TIFAB: variants seen among roughly 807,000 people sequenced by gnomAD.
The protein encoded by TIFAB is TRAF-interacting protein with FHA domain-containing protein B.
For synonymous variants in TIFAB, 116 were observed against 95.2 expected (o/e 1.22, Z -1.27); for missense variants, 222 against 203.6 (o/e 1.09, Z -0.55).
rs1362263270 is a variant in TIFAB, at chr5:135,447,810, T to A, written c.*1644A>T. ...ATCATAGTAGTGATCAAATAAGTAA[T>A]GCACTCCTGAATGCTTGACTTTCCT... On this transcript the variant is annotated 3_prime_UTR_variant, in exon 2 of 2. Transcript: ENST00000537858. 1 of 152,370 alleles carries A rather than the reference T, an allele frequency of 6.6e-6. No homozygotes were observed. The highest frequency in any genetic ancestry group is 2.4e-5 in the African/African-American group (1 of 41,454). The allele number at this position is 152,370 out of a possible 1,614,324, so 9.4% of individuals were successfully genotyped here. A position where few individuals can be genotyped will look rare whatever the true frequency, so the allele number is the denominator to read the frequency against.
intron 1 of TIFAB, among the ~76,000 whole-genome samples, chr5:135,451,395 G>T (rs1478757545): frequency 3.3e-5 from 5 of 152,050 alleles, no homozygotes; most frequent in Non-Finnish European, 7.4e-5. Context: ...GAGGCCTGAG[G>T]GCACCCCCTT....
Position 135,449,867 on chromosome 5 carries a change from C to A in TIFAB, c.73G>T (p.Val25Phe). The change falls in exon 2 of 2, where the codon GTC becomes TTC. Residue 25 changes from valine (V) to phenylalanine (F), a missense_variant. Coordinates refer to ENST00000537858, the MANE Select transcript of TIFAB (RefSeq NM_001099221.2). Reference sequence around the variant, plus strand: ...GTATCATGCTGCAGCCGTGGTGGGACATTGGCAAAGGCAGATGGGCCCAGC... The same window carrying A: ...GTATCATGCTGCAGCCGTGGTGGGAAATTGGCAAAGGCAGATGGGCCCAGC... The part of the protein sequence containing the change: ...PTLGPSAFAN[V>F]PPRLQHDTSP... The A allele has an allele frequency of 6.3e-7, 1 of 1,583,250 alleles. No homozygotes were observed.
rs908043029 is a variant in TIFAB, at chr5:135,448,094, A to G, written c.*1360T>C. 6.6e-6 allele frequency: 1 copy of G among 152,192 alleles called. No individual in the cohort carries two copies. Among genetic ancestry groups the G allele is most frequent in the Non-Finnish European group, 1.5e-5 (1 of 68,040 alleles). The allele number at this position is 152,192 out of a possible 1,614,324, so 9.4% of individuals were successfully genotyped here. On this transcript the variant is annotated 3_prime_UTR_variant, in exon 2 of 2. Transcript: ENST00000537858. ...AGAGGAAGCTTCCCACACCAGGGCA[A>G]GCCTGGGTCTTGCCCACCTCTGTTT...
Position 135,446,307 on chromosome 5 carries a change from T to C in TIFAB, c.*3147A>G, listed in dbSNP as rs769835476. 1.0e-4 allele frequency: 157 copies of C among 1,523,578 alleles called. No homozygotes were observed. The highest frequency in any genetic ancestry group is 7.9e-4 in the South Asian group (60 of 75,790). 94.4% of individuals were successfully genotyped at this position (1,523,578 alleles called of 1,614,324 possible). A position where few individuals can be genotyped will look rare whatever the true frequency, so the allele number is the denominator to read the frequency against. On this transcript the variant is annotated 3_prime_UTR_variant, in exon 2 of 2. Coordinates refer to ENST00000537858, the MANE Select transcript of TIFAB (RefSeq NM_001099221.2). ...GGGCCCTAGCTGGGAGCAGCGTTCA[T>C]GTGCACTGTATGTTCGTGTTTAGTG...
At chr5:135,451,819 A>C (rs1276649151) in intron 1 of TIFAB, among the ~76,000 whole-genome samples, 2 of 152,204 alleles carry the variant, frequency 1.3e-5, no homozygotes, top group Non-Finnish European at 2.9e-5. Context: ...TTACAGGCTG[A>C]GCCCAGGACA....
In TIFAB at chr5:135,444,262, C is replaced by T. The variant is rs1769213359; in HGVS notation, c.*5192G>A. The stretch of plus-strand genomic sequence containing the variant: ...TCACTTTAATCCGCCTGTGAGTTCA[C>T]GTTAAAGGTAAGAGGAATCACAGCC... On this transcript the variant is annotated 3_prime_UTR_variant, in exon 2 of 2. Transcript: ENST00000537858. 1 of 152,164 alleles carries T rather than the reference C, an allele frequency of 6.6e-6. No individual in the cohort carries two copies. The allele number at this position is 152,164 out of a possible 1,614,324, so 9.4% of individuals were successfully genotyped here.
In TIFAB at chr5:135,446,395, C is replaced by T. The variant is rs756086139; in HGVS notation, c.*3059G>A. 4 of 1,606,426 alleles carry T rather than the reference C, an allele frequency of 2.5e-6. No homozygotes were observed. Among genetic ancestry groups the T allele is most frequent in the Non-Finnish European group, 3.4e-6 (4 of 1,174,272 alleles). ...ATGTTCACTCAGGCACGTGGGCTGC[C>T]CTGCGGTGGGAGCTGAGAGAATGCA... On this transcript the variant is annotated 3_prime_UTR_variant, in exon 2 of 2. Transcript: ENST00000537858.
rs12520809 is a variant in TIFAB, at chr5:135,446,820, T to C, written c.*2634A>G. 0.49 allele frequency: 794,113 copies of C among 1,613,660 alleles called. 202,826 individuals are homozygous for C. The highest frequency in any genetic ancestry group is 0.88 in the African/African-American group (65,677 of 74,990). Reference sequence around the variant, plus strand: ...CTCGCAGATGCTTCACTCGAAAGATTGGAGTTGCAGAGTCCCCTGTGGAGG... The same window carrying C: ...CTCGCAGATGCTTCACTCGAAAGATCGGAGTTGCAGAGTCCCCTGTGGAGG... On this transcript the variant is annotated 3_prime_UTR_variant, in exon 2 of 2. Transcript: ENST00000537858.
Position 135,446,636 on chromosome 5 carries a change from A to T in TIFAB, c.*2818T>A. On this transcript the variant is annotated 3_prime_UTR_variant, in exon 2 of 2. Transcript: ENST00000537858. Reference sequence around the variant, plus strand: ...TGGGCAGAGCTTAACTGCCTTAAAAACTTGGTACAGGGCAAGGTGTGAGTT... The same window carrying T: ...TGGGCAGAGCTTAACTGCCTTAAAATCTTGGTACAGGGCAAGGTGTGAGTT... 1 of 1,614,004 alleles carries T rather than the reference A, an allele frequency of 6.2e-7. No individual in the cohort carries two copies. Among genetic ancestry groups the T allele is most frequent in the South Asian group, 1.1e-5 (1 of 91,080 alleles).
At chr5:135,450,674 C>CA (rs145536199) in intron 1 of TIFAB, 1 of 152,378 alleles carries the variant, frequency 6.6e-6, no homozygotes, top group Non-Finnish European at 1.5e-5. Context: ...CTATGTCCAC[C>CA]AGCACCCTGT....
In TIFAB at chr5:135,446,682, C is replaced by T; in HGVS notation, c.*2772G>A. On this transcript the variant is annotated 3_prime_UTR_variant, in exon 2 of 2. Transcript: ENST00000537858. ...GAGTTTCCCGGTGAGACTGTGTGAA[C>T]TGTGAACGGGTAGAGTCTGAAACTA... The T allele has an allele frequency of 1.2e-6, 2 of 1,613,912 alleles. No homozygotes were observed. Among genetic ancestry groups the T allele is most frequent in the African/African-American group, 1.3e-5 (1 of 75,044 alleles).
At position 135,445,019 on chromosome 5, in the gene TIFAB, G is replaced by C. The variant is rs563179447; in HGVS notation, c.*4435C>G. On this transcript the variant is annotated 3_prime_UTR_variant, in exon 2 of 2. Transcript: ENST00000537858. The stretch of plus-strand genomic sequence containing the variant: ...GGCCTGCATAGCCCAGGGGTGGAGA[G>C]AGGGGTCAGACTAGAACCTATGGAG... 1 of 152,420 alleles carries C rather than the reference G, an allele frequency of 6.6e-6. No individual in the cohort carries two copies. The highest frequency in any genetic ancestry group is 2.4e-5 in the African/African-American group (1 of 41,556). The allele number at this position is 152,420 out of a possible 1,614,324, so 9.4% of individuals were successfully genotyped here.
chr5:135,446,695 G>T lies in TIFAB; in HGVS notation c.*2759C>A. 1 of 1,613,884 alleles carries T rather than the reference G, an allele frequency of 6.2e-7. No homozygotes were observed. Among genetic ancestry groups the T allele is most frequent in the Non-Finnish European group, 8.5e-7 (1 of 1,179,758 alleles). On this transcript the variant is annotated 3_prime_UTR_variant, in exon 2 of 2. Coordinates refer to ENST00000537858, the MANE Select transcript of TIFAB (RefSeq NM_001099221.2). ...AGACTGTGTGAACTGTGAACGGGTAGAGTCTGAAACTACAAACCAGATGTT... is the reference window on the plus strand; with the variant it reads ...AGACTGTGTGAACTGTGAACGGGTATAGTCTGAAACTACAAACCAGATGTT...
rs1769215159 is a variant in TIFAB at position 135,444,336 on chromosome 5, GC to G, written c.*5117del. On this transcript the variant is annotated 3_prime_UTR_variant, in exon 2 of 2. Coordinates refer to ENST00000537858, the MANE Select transcript of TIFAB (RefSeq NM_001099221.2). The stretch of plus-strand genomic sequence containing the variant: ...AAATTCGGCATCTCCTCTTAACTGG[GC>G]TGGGTTGTTTACTCCTCCCACAGTC... The G allele has an allele frequency of 6.6e-6, 1 of 152,226 alleles. No individual in the cohort carries two copies. Among genetic ancestry groups the G allele is most frequent in the South Asian group, 2.1e-4 (1 of 4,832 alleles). 9.4% of individuals were successfully genotyped at this position (152,226 alleles called of 1,614,324 possible).
At position 135,449,915 on chromosome 5, in the gene TIFAB, G is replaced by A. The variant is rs200405958; in HGVS notation, c.25C>T (p.Arg9Ter). MEKPLTVL[R>*]VSLYHPTLGP... ...AGCGTGGGATGGTACAGGCTCACTC[G>A]CAGGACGGTGAGGGGCTTCTCCATG... Residue 9 changes from arginine to a stop codon, truncating the protein, a stop_gained, in exon 2 of 2, where the codon CGA (arginine) becomes TGA (stop). Transcript: ENST00000537858. LOFTEE classifies it low-confidence loss of function (END_TRUNC). 6 of 1,526,552 alleles carry A rather than the reference G, an allele frequency of 3.9e-6. No homozygotes were observed. Among genetic ancestry groups the A allele is most frequent in the Non-Finnish European group, 4.4e-6 (5 of 1,136,446 alleles). The allele number at this position is 1,526,552 out of a possible 1,614,324, so 94.6% of individuals were successfully genotyped here. A position where few individuals can be genotyped will look rare whatever the true frequency, so the allele number is the denominator to read the frequency against.
Position 135,447,060 on chromosome 5 carries a change from G to C in TIFAB, c.*2394C>G, listed in dbSNP as rs1171461339. ...CTTTGGTGTCCAGGTACAGTCTCCA[G>C]GCCGTGGCTTCTCGAGTTCTGTATG... is the stretch of plus-strand genomic sequence containing the variant. On this transcript the variant is annotated 3_prime_UTR_variant, in exon 2 of 2. Transcript: ENST00000537858. 1.2e-6 allele frequency: 2 copies of C among 1,614,050 alleles called. No homozygotes were observed. The highest frequency in any genetic ancestry group is 8.5e-7 in the Non-Finnish European group (1 of 1,179,904).
chr5:135,449,074 A>C lies in TIFAB; in HGVS notation c.*380T>G, dbSNP rs1769321522. On this transcript the variant is annotated 3_prime_UTR_variant, in exon 2 of 2. Coordinates refer to ENST00000537858, the MANE Select transcript of TIFAB (RefSeq NM_001099221.2). ...TAACTCCTAGTCAGACAACAGGGAG[A>C]AATGTGTGGAAATGCTGAGAGAGGC... The C allele has an allele frequency of 8.8e-6, 2 of 226,814 alleles. No individual in the cohort carries two copies. The highest frequency in any genetic ancestry group is 1.0e-4 in the Admixed American group (2 of 20,004). The allele number at this position is 226,814 out of a possible 1,614,324, so 14.1% of individuals were successfully genotyped here.
chr5:135,449,741 C>T lies in TIFAB; in HGVS notation c.199G>A (p.Gly67Ser). 6.2e-7 allele frequency: 1 copy of T among 1,613,982 alleles called. No homozygotes were observed. Among genetic ancestry groups the T allele is most frequent in the Non-Finnish European group, 8.5e-7 (1 of 1,179,920 alleles). The change falls in exon 2 of 2, where the codon GGC (glycine) becomes AGC (serine). Residue 67 changes from glycine to serine, a missense_variant. By Grantham distance (56) the Gly-to-Ser change is moderately conservative. Coordinates refer to ENST00000537858, the MANE Select transcript of TIFAB (RefSeq NM_001099221.2). ...HLSLEPYLEK[G>S]SALLAFCLKA... ...AGGCAGAAGGCCAGCAGGGCACTGC[C>T]TTTCTCCAGGTAGGGCTCCAGGGAC...
In TIFAB at chr5:135,449,558, A is replaced by G. The variant is rs761938501; in HGVS notation, c.382T>C (p.Tyr128His). ...AGGGGTGAAGGGCTGACATGGAAAT[A>G]GCAGACAAAAGCCTCCAGGGATGTG... ...EGTSLEAFVC[Y>H]FHVSPSPLIY... is the part of the protein sequence containing the mutation. The change falls in exon 2 of 2, where the codon TAT becomes CAT. Residue 128 changes from tyrosine to histidine, a missense_variant. Physicochemically the swap from Tyr to His is moderately conservative, Grantham distance 83. Transcript: ENST00000537858. 5.0e-6 allele frequency: 8 copies of G among 1,614,248 alleles called. No individual in the cohort carries two copies. The South Asian group carries it at 5.5e-5, about 11-fold the overall frequency.
Sources: allele counts gnomAD v4.1 joint callset (sites outside exome capture counted in the v4.1 genomes callset), GRCh38; gene constraint gnomAD v4.1.1; transcripts MANE v1.5; gene names NCBI Gene and HGNC (gene_info 2026-07-23, HGNC 2026-07-21).